KATNAL1: variants seen among roughly 807,000 people sequenced by gnomAD.
KATNAL1 encodes katanin catalytic subunit A1 like 1, also known as katanin p60 ATPase-containing subunit A-like 1.
A neutral mutation model predicts 55.2 loss-of-function variants in KATNAL1; 32 were observed. The ratio of observed to expected loss-of-function variants is 0.58; its 90% CI spans 0.44 to 0.78. The LOEUF (loss-of-function observed/expected upper bound fraction) is 0.78, where lower values mean the gene tolerates loss of function less well. Among genes scored for constraint, KATNAL1 ranks in the 30% least tolerant of loss-of-function variants. KATNAL1 has a pLI of 0.00. For missense variants in KATNAL1, 466 were observed against 600.9 expected, an observed-to-expected ratio of 0.78 and a Z score of 2.35; for synonymous variants, 193 against 193.6, an observed-to-expected ratio of 1.00 and a Z score of 0.02.
chr13:30,295,700 G>A (rs1214550825), intron 1 of KATNAL1, among the ~76,000 whole-genome samples: 2 of 152,196 alleles, frequency 1.3e-5, no homozygotes, highest in South Asian at 2.1e-4. Flanking sequence ...GAAGATGCTT[G>A]TGAACACTGT....
At position 30,260,908 on chromosome 13, in the gene KATNAL1, A is replaced by C. The variant is rs1197516978; in HGVS notation, c.324-5293T>G. On this transcript the variant is annotated intron_variant, in intron 3 of 10. Transcript: ENST00000380615. The stretch of plus-strand genomic sequence containing the variant: ...TCCTCGAGAAGAGCAACTCCAAGAC[A>C]CATAATTGTCAGATTCACCAAAGTT... Among the ~76,000 whole-genome samples, 9 of 150,676 alleles carry C rather than the reference A, an allele frequency of 6.0e-5. No homozygotes were observed. In the East Asian group the frequency reaches 1.7e-3, roughly 29 times the overall value.
chr13:30,258,662 T>C (rs926798509), intron 3 of KATNAL1, among the ~76,000 whole-genome samples: 1 of 152,174 alleles, frequency 6.6e-6, no homozygotes, highest in Non-Finnish European at 1.5e-5. Context: ...CTCCCATGTT[T>C]TCTTCTAGAA....
At chr13:30,272,179 C>A (rs1880430918) in intron 3 of KATNAL1, among the ~76,000 whole-genome samples, 1 of 152,122 alleles carries the variant, frequency 6.6e-6, no homozygotes, top group Non-Finnish European at 1.5e-5. Flanking sequence ...GCGGGCAGAT[C>A]ATGAGGTCAG....
At chr13:30,301,388 A>C (rs1392859128) in intron 1 of KATNAL1, among the ~76,000 whole-genome samples, 1 of 152,074 alleles carries the variant, frequency 6.6e-6, no homozygotes, top group Non-Finnish European at 1.5e-5. Flanking sequence ...AACAAAAAAA[A>C]CCCTATAAAC....
chr13:30,209,810 C>T (rs1873488878), intron 10 of KATNAL1, among the ~76,000 whole-genome samples: 1 of 151,986 alleles, frequency 6.6e-6, no homozygotes, highest in Admixed American at 6.5e-5. Context: ...GAGACAGAGT[C>T]TCGCTCTGTT....
In KATNAL1 at chr13:30,205,750, C is replaced by CTCTGTG. The variant is rs146509188; in HGVS notation, c.*2789_*2790insCACAGA. On this transcript the variant is annotated 3_prime_UTR_variant, in exon 11 of 11. Coordinates refer to ENST00000380615, the MANE Select transcript of KATNAL1 (RefSeq NM_032116.5). ...AACACACTGTCTTCTGCAATAAAGACTGTGTGTGTGTGTGTGTGTGTGTGT... is the reference window on the plus strand; with the variant it reads ...AACACACTGTCTTCTGCAATAAAGACTCTGTGTGTGTGTGTGTGTGTGTGTGTGTGT... The CTCTGTG allele has an allele frequency of 0.016, 2,145 of 137,500 alleles. 76 individuals are homozygous for CTCTGTG. The highest frequency in any genetic ancestry group is 0.056 in the African/African-American group (1,999 of 35,932). 8.5% of individuals were successfully genotyped at this position (137,500 alleles called of 1,614,324 possible). A position where few individuals can be genotyped will look rare whatever the true frequency, so the allele number is the denominator to read the frequency against.
intron 1 of KATNAL1, among the ~76,000 whole-genome samples, chr13:30,298,267 T>TAGA (rs1882650159): frequency 6.6e-6 from 1 of 152,214 alleles, no homozygotes; most frequent in Admixed American, 6.5e-5. Context: ...AATAAACTCA[T>TAGA]ATGGTATATA....
rs115092443 is a variant in KATNAL1, at chr13:30,289,988, T to C, written c.-14-6197A>G. On this transcript the variant is annotated intron_variant, in intron 1 of 10. Transcript: ENST00000380615. ...CTGAATTTCATTTAATTTCCACATG[T>C]CACAAAATAGTATTCTTCTTTTGAT... is the stretch of plus-strand genomic sequence containing the variant. Among the ~76,000 whole-genome samples the C allele has an allele frequency of 3.5e-3, 527 of 152,352 alleles. 3 individuals are homozygous for C. Among genetic ancestry groups the C allele is most frequent in the African/African-American group, 0.012 (510 of 41,578 alleles).
rs1555265583 is a variant in KATNAL1, at chr13:30,274,892, C to CATAT, written c.323+5170_323+5171insATAT. ...GGGGCGGGGTGTGTGCACACACATA[C>CATAT]GCGCGCGCGCGCGCGCACACACACA... On this transcript the variant is annotated intron_variant, in intron 3 of 10. Coordinates refer to ENST00000380615, the MANE Select transcript of KATNAL1 (RefSeq NM_032116.5). 1.7e-4 allele frequency among the ~76,000 whole-genome samples: 15 copies of CATAT among 88,154 alleles called. No homozygotes were observed. The East Asian group carries it at 5.6e-3, about 33-fold the overall frequency. 57.8% of individuals were successfully genotyped at this position (88,154 alleles called of 152,430 possible).
intron 1 of KATNAL1, chr13:30,296,604 C>T: frequency 5.6e-6 from 4 of 720,442 alleles, no homozygotes; most frequent in South Asian, 5.5e-5. Context: ...GGATGAGGCT[C>T]TGCAGCTGGT....
At chr13:30,260,276 A>C (rs1879163211) in intron 3 of KATNAL1, among the ~76,000 whole-genome samples, 1 of 152,208 alleles carries the variant, frequency 6.6e-6, no homozygotes, top group African/African-American at 2.4e-5. Context: ...TGGGGAAAAA[A>C]ACAGAGCAGA....
chr13:30,279,036 T>C (rs1881073370), intron 3 of KATNAL1, among the ~76,000 whole-genome samples: 1 of 152,220 alleles, frequency 6.6e-6, no homozygotes, highest in Non-Finnish European at 1.5e-5. Flanking sequence ...TCTTAAAATG[T>C]TTTTAGAAAA....
At chr13:30,251,309 A>G (rs1283540144) in intron 4 of KATNAL1, among the ~76,000 whole-genome samples, 1 of 152,194 alleles carries the variant, frequency 6.6e-6, no homozygotes, top group East Asian at 1.9e-4. Context: ...CTTAAATAGC[A>G]AAATAATAAT....
intron 6 of KATNAL1, among the ~76,000 whole-genome samples, chr13:30,235,433 A>T (rs2137408320): frequency 6.6e-6 from 1 of 152,372 alleles, no homozygotes; most frequent in South Asian, 2.1e-4. Flanking sequence ...GGCTGGCACC[A>T]TGCCATTCAT....
At chr13:30,251,844 T>A (rs965449812) in intron 4 of KATNAL1, among the ~76,000 whole-genome samples, 1 of 152,190 alleles carries the variant, frequency 6.6e-6, no homozygotes, top group Admixed American at 6.5e-5. Context: ...GAGTACTAAC[T>A]AGCCTTATGG....
intron 3 of KATNAL1, among the ~76,000 whole-genome samples, chr13:30,271,887 A>AAC (rs1880399787): frequency 1.3e-5 from 2 of 150,674 alleles, no homozygotes; most frequent in East Asian, 1.9e-4. Flanking sequence ...GGAAAAAAAA[A>AAC]AAAAAAAAAA....
At chr13:30,208,809 T>A in intron 10 of KATNAL1, 71 bp from the exon 11 acceptor site, 2 of 1,050,082 alleles carry the variant, frequency 1.9e-6, no homozygotes, top group Admixed American at 5.9e-5. Flanking sequence ...TGTAACAAAG[T>A]TATGAAAAAA....
intron 3 of KATNAL1, among the ~76,000 whole-genome samples, chr13:30,274,903 GCGCGCACACACACACACACACA>G (rs1194081243): frequency 1.2e-4 from 11 of 93,700 alleles, no homozygotes; most frequent in African/African-American, 2.2e-4. Context: ...GCGCGCGCGC[GCGCGCACACACACACACACACA>G]CACACACACA....
Position 30,203,129 on chromosome 13 carries a change from A to G in KATNAL1, c.*5411T>C, listed in dbSNP as rs1872831781. 1 of 152,254 alleles carries G rather than the reference A, an allele frequency of 6.6e-6. No individual in the cohort carries two copies. Among genetic ancestry groups the G allele is most frequent in the Non-Finnish European group, 1.5e-5 (1 of 68,050 alleles). 9.4% of individuals were successfully genotyped at this position (152,254 alleles called of 1,614,324 possible). A position where few individuals can be genotyped will look rare whatever the true frequency, so the allele number is the denominator to read the frequency against. ...GTTTGGAACTGCTGCTTTGAATGCA[A>G]TACATCCAAATAATGAAGCTGACCA... On this transcript the variant is annotated 3_prime_UTR_variant, in exon 11 of 11. Coordinates refer to ENST00000380615, the MANE Select transcript of KATNAL1 (RefSeq NM_032116.5).
Sources: gnomAD v4.1 joint callset for allele counts (sites outside exome capture counted in the v4.1 genomes callset) on GRCh38, gnomAD v4.1.1 for gene constraint, MANE v1.5 for transcripts, NCBI Gene and HGNC (gene_info 2026-07-23, HGNC 2026-07-21) for gene names.